Variants in ENOX1 observed in about 807,000 individuals in gnomAD.
ENOX1 encodes the protein ecto-NOX disulfide-thiol exchanger 1.
A neutral mutation model predicts 82.5 loss-of-function variants in ENOX1; 42 were observed. The observed-to-expected ratio is 0.51, with a 90% CI of 0.40 to 0.66. ENOX1 has a LOEUF of 0.66. Among genes scored for constraint, ENOX1 ranks in the 30% least tolerant of loss-of-function variants. The pLI is 0.00. For synonymous variants in ENOX1, 271 were observed against 282.2 expected, an observed-to-expected ratio of 0.96 and a Z score of 0.40; for missense variants, 608 against 811.6, an observed-to-expected ratio of 0.75 and a Z score of 3.05.
chr13:43,441,731 C>T (rs188623231), intron 3 of ENOX1, among the ~76,000 whole-genome samples: 7 of 152,088 alleles, frequency 4.6e-5, no homozygotes, highest in East Asian at 1.9e-4. Context: ...CAGCTACACC[C>T]GCTCTGTATG....
rs979614854 is a variant in ENOX1, at chr13:43,447,858, T to G, written c.-74-34870A>C. On this transcript the variant is annotated intron_variant, in intron 3 of 16. Transcript: ENST00000690772. Reference sequence around the variant, plus strand: ...TTTTCCAAGTATATTAAAATGTGTTTGTGTTCCTTTCATACAAAACATAAA... The same window carrying G: ...TTTTCCAAGTATATTAAAATGTGTTGGTGTTCCTTTCATACAAAACATAAA... Among the ~76,000 whole-genome samples, 29 of 152,320 alleles carry G rather than the reference T, an allele frequency of 1.9e-4. No individual in the cohort carries two copies. In the Middle Eastern group the frequency reaches 0.01, roughly 54 times the overall value.
At chr13:43,450,100 T>A (rs961904859) in intron 3 of ENOX1, among the ~76,000 whole-genome samples, 1 of 152,222 alleles carries the variant, frequency 6.6e-6, no homozygotes, top group African/African-American at 2.4e-5. Flanking sequence ...AATATAGTCA[T>A]ATGATATTAA....
Position 43,224,033 on chromosome 13 carries a change from A to C in ENOX1, c.1800+20T>G, listed in dbSNP as rs1383211121. On this transcript the variant is annotated intron_variant, in intron 16 of 16. Transcript: ENST00000690772. The stretch of plus-strand genomic sequence containing the variant: ...TGCTAAATTTGAGCAACGAAAGTTC[A>C]CTCGAGCAAAATAATTTACCTTGGA... 3.1e-5 allele frequency: 49 copies of C among 1,600,948 alleles called. No individual in the cohort carries two copies. The highest frequency in any genetic ancestry group is 4.2e-5 in the Non-Finnish European group (49 of 1,168,620).
intron 2 of ENOX1, among the ~76,000 whole-genome samples, chr13:43,562,029 G>C (rs776593234): frequency 2.6e-5 from 4 of 151,782 alleles, no homozygotes; most frequent in Non-Finnish European, 4.4e-5. Context: ...AGGATGGAGA[G>C]AGGGAAATGC....
intron 3 of ENOX1, among the ~76,000 whole-genome samples, chr13:43,474,275 A>G (rs542303603): frequency 8.5e-5 from 13 of 152,278 alleles, no homozygotes; most frequent in African/African-American, 3.1e-4. Flanking sequence ...ACTGCCCTTG[A>G]AATGAAACAT....
chr13:43,760,230 T>G (rs542635746), intron 1 of ENOX1, among the ~76,000 whole-genome samples: 2 of 152,236 alleles, frequency 1.3e-5, no homozygotes, highest in Non-Finnish European at 2.9e-5. Context: ...AAGGCTAGAA[T>G]GTATCACCTT....
chr13:43,257,460 T>C (rs373794644), intron 14 of ENOX1, among the ~76,000 whole-genome samples: 2 of 152,130 alleles, frequency 1.3e-5, no homozygotes, highest in East Asian at 3.8e-4. Flanking sequence ...TTTAATAACA[T>C]GGGCAAATGC....
intron 14 of ENOX1, among the ~76,000 whole-genome samples, chr13:43,250,284 G>A (rs1011920126): frequency 5.3e-5 from 8 of 152,132 alleles, no homozygotes; most frequent in Non-Finnish European, 1.5e-5. Flanking sequence ...TCAAGCCCTT[G>A]ATCCCACCCC....
At chr13:43,452,801 G>C (rs551474636) in intron 3 of ENOX1, among the ~76,000 whole-genome samples, 29 of 152,182 alleles carry the variant, frequency 1.9e-4, no homozygotes, top group African/African-American at 7.0e-4. Context: ...GGGATTACAG[G>C]CATGAGCCAC....
chr13:43,582,807 T>C (rs1409757491), intron 2 of ENOX1, among the ~76,000 whole-genome samples: 1 of 152,188 alleles, frequency 6.6e-6, no homozygotes, highest in Non-Finnish European at 1.5e-5. Flanking sequence ...TTTTTAAAAA[T>C]TATAATTGAT....
intron 2 of ENOX1, among the ~76,000 whole-genome samples, chr13:43,643,250 C>T (rs2083736546): frequency 6.6e-6 from 1 of 152,160 alleles, no homozygotes; most frequent in African/African-American, 2.4e-5. Context: ...TGTTCCCCCA[C>T]CGTCTACCTC....
chr13:43,774,209 G>A (rs796209636), intron 1 of ENOX1, among the ~76,000 whole-genome samples: 5 of 152,268 alleles, frequency 3.3e-5, no homozygotes, highest in African/African-American at 9.6e-5. Flanking sequence ...GAAACATTGT[G>A]TACATCTCTG....
chr13:43,514,022 TTC>T (rs908465459), intron 2 of ENOX1, among the ~76,000 whole-genome samples: 2 of 152,168 alleles, frequency 1.3e-5, no homozygotes, highest in African/African-American at 4.8e-5. Context: ...GTGCATTTAT[TTC>T]TGTCAATAGG....
At chr13:43,551,332 T>C (rs1309066832) in intron 2 of ENOX1, among the ~76,000 whole-genome samples, 1 of 152,156 alleles carries the variant, frequency 6.6e-6, no homozygotes, top group African/African-American at 2.4e-5. Context: ...ATCTATTGAC[T>C]TGTATATGTT....
chr13:43,524,992 C>T (rs1163446368), intron 2 of ENOX1, among the ~76,000 whole-genome samples: 2 of 152,092 alleles, frequency 1.3e-5, no homozygotes, highest in Non-Finnish European at 2.9e-5. Flanking sequence ...TTCAATAAGT[C>T]AATCACTCAA....
chr13:43,302,867 T>C (rs1181457005), intron 11 of ENOX1, among the ~76,000 whole-genome samples: 2 of 152,220 alleles, frequency 1.3e-5, no homozygotes, highest in South Asian at 2.1e-4. Context: ...TAGCAATATA[T>C]GAAAAATGTA....
intron 1 of ENOX1, among the ~76,000 whole-genome samples, chr13:43,760,389 A>G (rs1454099462): frequency 2.0e-5 from 3 of 152,244 alleles, no homozygotes; most frequent in African/African-American, 7.2e-5. Context: ...AGTACTATGT[A>G]TTTATACCAG....
intron 5 of ENOX1, among the ~76,000 whole-genome samples, chr13:43,369,654 C>T (rs988130314): frequency 5.1e-4 from 78 of 152,200 alleles, no homozygotes; most frequent in African/African-American, 1.1e-3. Context: ...TTGCATTTTC[C>T]GTTCAGTTTT....
At chr13:43,424,680 T>A (rs2055181273) in intron 3 of ENOX1, among the ~76,000 whole-genome samples, 1 of 152,202 alleles carries the variant, frequency 6.6e-6, no homozygotes, top group Non-Finnish European at 1.5e-5. Flanking sequence ...TGGATTGCCC[T>A]GGGTGAGAGA....
Sources: allele counts gnomAD v4.1 joint callset (sites outside exome capture counted in the v4.1 genomes callset), GRCh38; gene constraint gnomAD v4.1.1; transcripts MANE v1.5; gene names NCBI Gene and HGNC (gene_info 2026-07-23, HGNC 2026-07-21).